PKP1: variants seen among roughly 807,000 people sequenced by gnomAD.
PKP1 encodes the protein plakophilin-1.
Under a neutral mutation model 76.4 loss-of-function variants are expected in PKP1, and 27 were observed. That is an observed-to-expected ratio of 0.35 (90% confidence interval 0.26 to 0.49). PKP1 has a LOEUF of 0.49. PKP1 is among the 20% of genes least tolerant of loss of function. PKP1 has a pLI of 0.99. For synonymous variants in PKP1, 404 were observed against 384.2 expected (o/e 1.05, Z -0.60); for missense variants, 964 against 955.2 (o/e 1.01, Z -0.12).
At chr1:201,328,899 C>T in intron 13 of PKP1, 31 bp downstream of exon 13, 1 of 1,295,188 alleles carries the variant, frequency 7.7e-7, no homozygotes, top group Non-Finnish European at 1.1e-6. Context: ...AGGGATGCCT[C>T]TGGGACCACT....
At position 201,318,747 on chromosome 1, in the gene PKP1, G is replaced by A. The variant is rs373286108; in HGVS notation, c.1184G>A (p.Arg395Gln). ...TGCGATGGCAATAGCAACATGTCCC[G>A]GGAAGTGGTGGACCCTGAGGTCTTC... ...GWCDGNSNMS[R>Q]EVVDPEVFFN... Residue 395 changes from arginine (R) to glutamine (Q), a missense_variant, in exon 6 of 14, where the codon CGG becomes CAG. Physicochemically the swap from Arg to Gln is conservative, Grantham distance 43. Coordinates refer to ENST00000367324, the MANE Select transcript of PKP1 (RefSeq NM_001005337.3). 2.9e-5 allele frequency: 46 copies of A among 1,610,932 alleles called. No individual in the cohort carries two copies. The highest frequency in any genetic ancestry group is 6.7e-5 in the Admixed American group (4 of 59,868).
At position 201,313,549 on chromosome 1, in the gene PKP1, G is replaced by A. The variant is rs771276002; in HGVS notation, c.690G>A (p.Arg230=). The change falls in exon 3 of 14, where the codon AGG becomes AGA. Residue 230 remains arginine, a synonymous_variant. Coordinates refer to ENST00000367324, the MANE Select transcript of PKP1 (RefSeq NM_001005337.3). ...AGGACCTGTCCTTTGGCCACTCTAG[G>A]GCCAGCTCCAAGTGAGTGCTGCTGG... The part of the protein sequence containing the change: ...CNKDLSFGHS[R]ASSKICSEDI... 3.7e-6 allele frequency: 6 copies of A among 1,612,808 alleles called. No homozygotes were observed. Among genetic ancestry groups the A allele is most frequent in the South Asian group, 1.1e-5 (1 of 91,030 alleles).
chr1:201,322,251 G>GTGTAA, intron 8 of PKP1, 118 bp downstream of exon 8: 3 of 1,127,704 alleles, frequency 2.7e-6, no homozygotes, highest in Non-Finnish European at 3.8e-6. Flanking sequence ...CTAAGGGACA[G>GTGTAA]GCCCATGCTG....
chr1:201,325,868 A>T (rs1321224332), intron 12 of PKP1, 30 bp downstream of exon 12: 19 of 1,544,252 alleles, frequency 1.2e-5, no homozygotes, highest in Non-Finnish European at 1.7e-5. Context: ...TCCTCTTCTG[A>T]GGTTCTTCCT....
intron 2 of PKP1, 50 bp from the exon 3 acceptor site, chr1:201,313,116 G>A (rs1247399739): frequency 1.9e-6 from 3 of 1,586,704 alleles, no homozygotes; most frequent in Non-Finnish European, 1.7e-6. Flanking sequence ...CTGGATCCAG[G>A]ACCCCCATTT....
At chr1:201,303,965 T>C (rs955521785) in intron 2 of PKP1, among the ~76,000 whole-genome samples, 8 of 151,024 alleles carry the variant, frequency 5.3e-5, no homozygotes, top group Non-Finnish European at 8.9e-5. Flanking sequence ...GGCTGAACAC[T>C]TTTTTAACTG....
chr1:201,317,955 G>C (rs575630891), intron 5 of PKP1, among the ~76,000 whole-genome samples, 176 bp downstream of exon 5: 28 of 152,246 alleles, frequency 1.8e-4, no homozygotes, highest in Non-Finnish European at 3.2e-4. Context: ...CCAATTAGGG[G>C]TGTCCAGAGG....
chr1:201,316,295 A>G (rs1162885882), intron 3 of PKP1: 1 of 497,778 alleles, frequency 2.0e-6, no homozygotes, highest in African/African-American at 1.9e-5. Context: ...GAGAGATAAC[A>G]TACCTGCTAG....
At chr1:201,322,187 G>T (rs1656969811) in intron 8 of PKP1, 54 bp downstream of exon 8, 2 of 1,583,458 alleles carry the variant, frequency 1.3e-6, no homozygotes, top group Non-Finnish European at 1.7e-6. Flanking sequence ...CCCCCCAGGA[G>T]CCACTGCCTC....
At chr1:201,293,084 G>C (rs1466213586) in intron 1 of PKP1, among the ~76,000 whole-genome samples, 1 of 152,178 alleles carries the variant, frequency 6.6e-6, no homozygotes, top group Non-Finnish European at 1.5e-5. Context: ...TGGCATGGAG[G>C]GAGATGTGAG....
At chr1:201,302,123 A>G (rs1656249629) in intron 2 of PKP1, among the ~76,000 whole-genome samples, 1 of 152,214 alleles carries the variant, frequency 6.6e-6, no homozygotes, top group Non-Finnish European at 1.5e-5. Context: ...AATCCCTTGA[A>G]TTAGTGTAGC....
At position 201,331,563 on chromosome 1, in the gene PKP1, G is replaced by C. The variant is rs935158218; in HGVS notation, c.*1522G>C. ...TAGAGAGGAATTAACTTCCTGGTCT[G>C]TGCCCTTCTCTAGAAGAATATAAGA... is the stretch of plus-strand genomic sequence containing the variant. On this transcript the variant is annotated 3_prime_UTR_variant, in exon 14 of 14. Coordinates refer to ENST00000367324, the MANE Select transcript of PKP1 (RefSeq NM_001005337.3). The C allele has an allele frequency of 6.6e-6, 1 of 152,344 alleles. No homozygotes were observed. The highest frequency in any genetic ancestry group is 1.9e-4 in the East Asian group (1 of 5,198). The allele number at this position is 152,344 out of a possible 1,614,324, so 9.4% of individuals were successfully genotyped here.
At position 201,299,420 on chromosome 1, in the gene PKP1, G is replaced by A. The variant is rs112951997; in HGVS notation, c.306+5375G>A. ...AGTCTCAGCTGGGCTGCTACAAACT[G>A]AGGGATCTGGAGTGGACTTCACCTC... On this transcript the variant is annotated intron_variant, in intron 2 of 13. Transcript: ENST00000367324. Among the ~76,000 whole-genome samples, 960 of 152,254 alleles carry A rather than the reference G, an allele frequency of 6.3e-3. 12 individuals carry two copies. Among genetic ancestry groups the A allele is most frequent in the African/African-American group, 0.022 (908 of 41,558 alleles).
chr1:201,309,073 G>A (rs576345012), intron 2 of PKP1, among the ~76,000 whole-genome samples: 2 of 152,018 alleles, frequency 1.3e-5, no homozygotes, highest in African/African-American at 2.4e-5. Context: ...CAGCTTTGGG[G>A]GCCACTCCAC....
chr1:201,297,524 G>A (rs1016185641), intron 2 of PKP1, among the ~76,000 whole-genome samples: 2 of 152,162 alleles, frequency 1.3e-5, no homozygotes, highest in East Asian at 1.9e-4. Context: ...TTGAGGAAAC[G>A]CAGGCCCAGA....
At chr1:201,294,198 T>C (rs1303939328) in intron 2 of PKP1, among the ~76,000 whole-genome samples, 153 bp downstream of exon 2, 1 of 152,242 alleles carries the variant, frequency 6.6e-6, no homozygotes, top group Non-Finnish European at 1.5e-5. Context: ...GTCTGTTGAC[T>C]TGGCCATTGT....
At chr1:201,307,334 A>G (rs1571549874) in intron 2 of PKP1, among the ~76,000 whole-genome samples, 1 of 151,908 alleles carries the variant, frequency 6.6e-6, no homozygotes, top group Non-Finnish European at 1.5e-5. Flanking sequence ...CCAGGGTGGA[A>G]CCCCCTGCTT....
chr1:201,318,922 G>T (rs1214791334), intron 6 of PKP1, 127 bp downstream of exon 6: 1 of 831,264 alleles, frequency 1.2e-6, no homozygotes, highest in Non-Finnish European at 2.0e-6. Flanking sequence ...CCTCTTATGG[G>T]CAGGCTCCAA....
At chr1:201,305,318 G>T (rs560781695) in intron 2 of PKP1, among the ~76,000 whole-genome samples, 79 of 152,312 alleles carry the variant, frequency 5.2e-4, no homozygotes, top group Non-Finnish European at 1.1e-3. Context: ...AGAAGTTTGA[G>T]ACCAGCCTGG....
Sources: gnomAD v4.1 joint callset for allele counts (sites outside exome capture counted in the v4.1 genomes callset) on GRCh38, gnomAD v4.1.1 for gene constraint, MANE v1.5 for transcripts, NCBI Gene and HGNC (gene_info 2026-07-23, HGNC 2026-07-21) for gene names.